COL5A2: variants seen among roughly 807,000 people sequenced by gnomAD.
COL5A2 encodes collagen alpha-2(V) chain.
Under a neutral mutation model 208.2 loss-of-function variants are expected in COL5A2, and 23 were observed. The ratio of observed to expected loss-of-function variants is 0.11; its 90% CI spans 0.08 to 0.16. The LOEUF is 0.16. COL5A2 is among the 10% of genes least tolerant of loss of function. The pLI is 1.00. For synonymous variants in COL5A2, 625 were observed against 628.5 expected (o/e 0.99, Z 0.08); for missense variants, 1,590 against 1,956.4 (o/e 0.81, Z 3.53).
At chr2:189,399,222 C>G in the COL5A2 span, among the ~76,000 whole-genome samples, 1 of 146,962 alleles carries the variant, frequency 6.8e-6, no homozygotes, top group Non-Finnish European at 1.5e-5. Context: ...TTCTTTCAGT[C>G]TTTGTTTATC....
rs13421370 is a variant in COL5A2 at position 189,079,750 on chromosome 2, C to T, written c.960+228G>A. 0.039 allele frequency among the ~76,000 whole-genome samples: 5,871 copies of T among 152,192 alleles called. 159 individuals carry two copies. Among genetic ancestry groups the T allele is most frequent in the African/African-American group, 0.083 (3,446 of 41,530 alleles). On this transcript the variant is annotated intron_variant, in intron 14 of 53. Transcript: ENST00000374866. The stretch of plus-strand genomic sequence containing the variant: ...TCTTCATATGAAGACAACACTCATC[C>T]TACACTGGCAGACACCCAGTGCTAT...
At chr2:189,299,145 A>G in the COL5A2 span, among the ~76,000 whole-genome samples, 1 of 152,210 alleles carries the variant, frequency 6.6e-6, no homozygotes, top group Non-Finnish European at 1.5e-5. Flanking sequence ...ATTTGCATAC[A>G]ACTAATAATT....
chr2:189,289,107 T>C, the COL5A2 span, among the ~76,000 whole-genome samples: 1 of 152,074 alleles, frequency 6.6e-6, no homozygotes, highest in African/African-American at 2.4e-5. Flanking sequence ...TTTGGGAGGC[T>C]GAGGTGGGCA....
chr2:189,377,383 C>T, the COL5A2 span, among the ~76,000 whole-genome samples: 14 of 152,228 alleles, frequency 9.2e-5, no homozygotes, highest in South Asian at 2.1e-4. Flanking sequence ...TACATTATAC[C>T]GGGTAATGAT....
intron 53 of COL5A2, among the ~76,000 whole-genome samples, 159 bp downstream of exon 53, chr2:189,034,757 T>G (rs1685408322): frequency 6.6e-6 from 1 of 152,158 alleles, no homozygotes; most frequent in South Asian, 2.1e-4. Flanking sequence ...CTTCATGTGC[T>G]AACACACACA....
At chr2:189,236,738 C>A in the COL5A2 span, among the ~76,000 whole-genome samples, 1 of 151,762 alleles carries the variant, frequency 6.6e-6, no homozygotes, top group Non-Finnish European at 1.5e-5. Flanking sequence ...GATGTGCAAG[C>A]ATTCTTTAAG....
intron 1 of COL5A2, among the ~76,000 whole-genome samples, chr2:189,127,843 G>C (rs1361929680): frequency 6.6e-6 from 1 of 151,970 alleles, no homozygotes; most frequent in Non-Finnish European, 1.5e-5. Context: ...TGCAGCAGGA[G>C]AGAAAAATCT....
the COL5A2 span, among the ~76,000 whole-genome samples, chr2:189,286,590 A>G: frequency 6.6e-6 from 1 of 152,198 alleles, no homozygotes; most frequent in Non-Finnish European, 1.5e-5. Context: ...TCTTAAGAGT[A>G]GTGAGATACA....
chr2:189,335,943 A>G, the COL5A2 span, among the ~76,000 whole-genome samples: 1 of 152,180 alleles, frequency 6.6e-6, no homozygotes, highest in South Asian at 2.1e-4. Flanking sequence ...TAAAAAGGAA[A>G]TCATTAAGAA....
chr2:189,109,540 G>A (rs976231165), intron 2 of COL5A2, among the ~76,000 whole-genome samples: 1 of 151,968 alleles, frequency 6.6e-6, no homozygotes, highest in Admixed American at 6.6e-5. Flanking sequence ...ATAACCTGAA[G>A]GTTTAATATT....
the COL5A2 span, among the ~76,000 whole-genome samples, chr2:189,406,530 C>A: frequency 1.3e-5 from 2 of 152,114 alleles, no homozygotes; most frequent in Non-Finnish European, 2.9e-5. Context: ...TCAAGTTCTT[C>A]TCCCTGCTAA....
the COL5A2 span, among the ~76,000 whole-genome samples, chr2:189,252,379 T>C: frequency 2.0e-5 from 3 of 152,118 alleles, no homozygotes; most frequent in Admixed American, 1.3e-4. Flanking sequence ...CCATCAATGA[T>C]AGACTGGATT....
chr2:189,435,005 G>A, the COL5A2 span, among the ~76,000 whole-genome samples: 1 of 152,060 alleles, frequency 6.6e-6, no homozygotes, highest in Non-Finnish European at 1.5e-5. Flanking sequence ...CAGAACAGAG[G>A]CTCAGAAATA....
the COL5A2 span, among the ~76,000 whole-genome samples, chr2:189,297,223 C>T: frequency 3.9e-5 from 6 of 152,176 alleles, no homozygotes; most frequent in Admixed American, 2.0e-4. Flanking sequence ...CAAGCTACTG[C>T]ACCACTACTG....
chr2:189,268,271 CT>C, the COL5A2 span, among the ~76,000 whole-genome samples: 1 of 152,148 alleles, frequency 6.6e-6, no homozygotes, highest in Non-Finnish European at 1.5e-5. Context: ...AATGGTATCA[CT>C]TCATTTTTAA....
At chr2:189,102,975 G>C (rs901915412) in intron 3 of COL5A2, among the ~76,000 whole-genome samples, 1 of 152,008 alleles carries the variant, frequency 6.6e-6, no homozygotes, top group Non-Finnish European at 1.5e-5. Flanking sequence ...CACTACTTTT[G>C]GAGAAAGGCA....
chr2:189,173,139 T>C (rs1272314518), intron 1 of COL5A2, among the ~76,000 whole-genome samples: 3 of 151,548 alleles, frequency 2.0e-5, no homozygotes, highest in African/African-American at 7.3e-5. Context: ...CCCAGATAAA[T>C]TTTTTTGTAT....
Position 189,033,230 on chromosome 2 carries a change from A to G in COL5A2, c.*840T>C, listed in dbSNP as rs1442993415. ...TATGTTTGTAAAGTTCTATATGTCA[A>G]TTATTTTGCATTCAATATCTTCTTA... On this transcript the variant is annotated 3_prime_UTR_variant, in exon 54 of 54. Coordinates refer to ENST00000374866, the MANE Select transcript of COL5A2 (RefSeq NM_000393.5). The G allele has an allele frequency of 3.3e-5, 5 of 152,744 alleles. No individual in the cohort carries two copies. Among genetic ancestry groups the G allele is most frequent in the East Asian group, 3.9e-4 (2 of 5,182 alleles). The allele number at this position is 152,744 out of a possible 1,614,324, so 9.5% of individuals were successfully genotyped here. A position where few individuals can be genotyped will look rare whatever the true frequency, so the allele number is the denominator to read the frequency against.
Position 189,108,634 on chromosome 2 carries a change from T to C in COL5A2, c.322+1591A>G, listed in dbSNP as rs79826830. On this transcript the variant is annotated intron_variant, in intron 2 of 53. Coordinates refer to ENST00000374866, the MANE Select transcript of COL5A2 (RefSeq NM_000393.5). ...CAGACATGTGGTTGCCATTTCAATA[T>C]TGACATTAAAGTTTTACTTCATAAA... Among the ~76,000 whole-genome samples, 1,362 of 152,112 alleles carry C rather than the reference T, an allele frequency of 9.0e-3. 13 individuals carry two copies. Among genetic ancestry groups the C allele is most frequent in the Non-Finnish European group, 0.014 (976 of 67,858 alleles).
Sources: allele counts gnomAD v4.1 joint callset (sites outside exome capture counted in the v4.1 genomes callset), GRCh38; gene constraint gnomAD v4.1.1; transcripts MANE v1.5; gene names NCBI Gene and HGNC (gene_info 2026-07-23, HGNC 2026-07-21).